Variants in ZNF385D observed in about 807,000 individuals in gnomAD.
ZNF385D encodes zinc finger protein 385D.
A neutral mutation model predicts 35.8 loss-of-function variants in ZNF385D; 15 were observed. The observed-to-expected ratio is 0.42, with a 90% CI of 0.28 to 0.64. The LOEUF is 0.64. Ranked by LOEUF, ZNF385D falls within the 30% of genes least tolerant of loss-of-function variation. The pLI is 0.23. For synonymous variants in ZNF385D, 212 were observed against 186.8 expected (o/e 1.13, Z -1.10); for missense variants, 474 against 494.6 (o/e 0.96, Z 0.39).
intron 2 of ZNF385D, among the ~76,000 whole-genome samples, chr3:22,181,443 TC>T (rs1436626296): frequency 6.6e-6 from 1 of 152,026 alleles, no homozygotes; most frequent in Non-Finnish European, 1.5e-5. Context: ...AAGCCTGTAA[TC>T]CCAGCACTTT....
At chr3:21,769,198 A>ACTC (rs2070967906) in intron 3 of ZNF385D, among the ~76,000 whole-genome samples, 1 of 151,926 alleles carries the variant, frequency 6.6e-6, no homozygotes, top group Middle Eastern at 3.4e-3. Context: ...CTCTCTCTCC[A>ACTC]CTCCTATTCA....
chr3:22,236,337 T>C (rs13062431), intron 2 of ZNF385D, among the ~76,000 whole-genome samples: 50,580 of 151,842 alleles, frequency 0.33, 8,709 homozygotes, highest in African/African-American at 0.38. Flanking sequence ...ACAAGAACAT[T>C]TTATTTATTT....
At chr3:21,999,592 C>G (rs991910584) in intron 3 of ZNF385D, among the ~76,000 whole-genome samples, 5 of 152,028 alleles carry the variant, frequency 3.3e-5, no homozygotes, top group African/African-American at 1.2e-4. Context: ...GGTTCTACTT[C>G]TCATTTTTGA....
intron 1 of ZNF385D, among the ~76,000 whole-genome samples, chr3:21,715,149 A>G (rs2068264742): frequency 1.3e-5 from 2 of 152,266 alleles, no homozygotes; most frequent in African/African-American, 4.8e-5. Flanking sequence ...ATTTTGTTAC[A>G]TGCATCGTGG....
intron 1 of ZNF385D, among the ~76,000 whole-genome samples, chr3:21,699,668 A>G (rs923944632): frequency 6.6e-6 from 1 of 152,068 alleles, no homozygotes. Flanking sequence ...AATAGCTTAC[A>G]TTGATAATGT....
Position 22,328,192 on chromosome 3 carries a change from C to T in ZNF385D, c.106+44258G>A, listed in dbSNP as rs139394935. Among the ~76,000 whole-genome samples the T allele has an allele frequency of 4.6e-3, 706 of 151,968 alleles. 7 individuals are homozygous for T. The highest frequency in any genetic ancestry group is 0.016 in the African/African-American group (673 of 41,450). On this transcript the variant is annotated intron_variant, in intron 2 of 5. Coordinates refer to the ZNF385D transcript ENST00000494108. ...CCTTATTTCATGTTTCATGCTTATC[C>T]ATTTCCTCTCTCCTTTCCACCCTCC...
rs545050370 is a variant in ZNF385D at position 21,430,872 on chromosome 3, A to G, written c.674-5202T>C. 3.2e-4 allele frequency among the ~76,000 whole-genome samples: 48 copies of G among 152,200 alleles called. 1 individual carries two copies. The highest frequency in any genetic ancestry group is 5.9e-4 in the Non-Finnish European group (40 of 68,022). ...ATGGACAAATTAATCACACTTCCAT[A>G]GTATAATTGCAACATAATGCTGTCT... On this transcript the variant is annotated intron_variant, in intron 5 of 7. Transcript: ENST00000281523.
chr3:22,209,095 T>C (rs899360823), intron 2 of ZNF385D, among the ~76,000 whole-genome samples: 18 of 151,898 alleles, frequency 1.2e-4, no homozygotes, highest in Non-Finnish European at 2.9e-5. Flanking sequence ...ATAAAGGCAT[T>C]CTGCTCCTCC....
At chr3:22,176,326 A>G (rs1003898544) in intron 2 of ZNF385D, among the ~76,000 whole-genome samples, 3 of 152,192 alleles carry the variant, frequency 2.0e-5, no homozygotes, top group Non-Finnish European at 4.4e-5. Flanking sequence ...ACATGTTATC[A>G]TAAGTTCTTT....
At chr3:21,916,302 C>G (rs2125919221) in intron 3 of ZNF385D, among the ~76,000 whole-genome samples, 1 of 152,122 alleles carries the variant, frequency 6.6e-6, no homozygotes, top group African/African-American at 2.4e-5. Flanking sequence ...ATACTTTTTT[C>G]TGGTATTTGA....
intron 2 of ZNF385D, among the ~76,000 whole-genome samples, chr3:22,309,885 T>G (rs1703442480): frequency 6.6e-6 from 1 of 152,000 alleles, no homozygotes; most frequent in South Asian, 2.1e-4. Flanking sequence ...TGGAATTTTG[T>G]GTGCCCAGTA....
chr3:21,757,492 G>T (rs4349520), intron 3 of ZNF385D, among the ~76,000 whole-genome samples: 43,747 of 151,874 alleles, frequency 0.29, 6,610 homozygotes, highest in Middle Eastern at 0.44. Context: ...CAGCTAATAG[G>T]AGCTTTTTAT....
At chr3:21,765,826 A>T (rs945571888) in intron 3 of ZNF385D, among the ~76,000 whole-genome samples, 1 of 152,054 alleles carries the variant, frequency 6.6e-6, no homozygotes, top group African/African-American at 2.4e-5. Flanking sequence ...GGTTAATTCA[A>T]AAGTTTCTTT....
intron 2 of ZNF385D, among the ~76,000 whole-genome samples, chr3:21,570,365 G>A (rs887013022): frequency 5.9e-5 from 9 of 152,298 alleles, no homozygotes; most frequent in African/African-American, 2.2e-4. Context: ...TTCAAGTACA[G>A]CAGCCGCAGC....
intron 3 of ZNF385D, among the ~76,000 whole-genome samples, chr3:21,776,296 G>A (rs1324587378): frequency 6.6e-6 from 1 of 151,820 alleles, no homozygotes; most frequent in African/African-American, 2.4e-5. Flanking sequence ...GTAATACTAG[G>A]TTAAAGGGTA....
intron 3 of ZNF385D, among the ~76,000 whole-genome samples, chr3:21,832,609 C>T (rs2125767338): frequency 6.6e-6 from 1 of 152,244 alleles, no homozygotes; most frequent in Non-Finnish European, 1.5e-5. Context: ...CCGGTAAATA[C>T]ATTTGAAATT....
chr3:22,322,370 T>C (rs1694480973), intron 2 of ZNF385D, among the ~76,000 whole-genome samples: 1 of 152,192 alleles, frequency 6.6e-6, no homozygotes. Flanking sequence ...ATAGTAATAT[T>C]CTATTGTAAT....
intron 2 of ZNF385D, among the ~76,000 whole-genome samples, chr3:22,204,594 A>C (rs918842304): frequency 6.6e-6 from 1 of 152,078 alleles, no homozygotes; most frequent in African/African-American, 2.4e-5. Flanking sequence ...TGTGTTAAGG[A>C]AACTCAAAGA....
chr3:21,767,530 C>G (rs1032582404), intron 3 of ZNF385D, among the ~76,000 whole-genome samples: 1 of 152,034 alleles, frequency 6.6e-6, no homozygotes, highest in Non-Finnish European at 1.5e-5. Flanking sequence ...TAGACTAAGA[C>G]TCCTGAAGAC....
Sources: allele counts gnomAD v4.1 joint callset (sites outside exome capture counted in the v4.1 genomes callset), GRCh38; gene constraint gnomAD v4.1.1; transcripts MANE v1.5; gene names NCBI Gene and HGNC (gene_info 2026-07-23, HGNC 2026-07-21).